AGBL1: variants seen among roughly 807,000 people sequenced by gnomAD.
AGBL1 encodes the protein cytosolic carboxypeptidase 4.
Under a neutral mutation model 118.9 loss-of-function variants are expected in AGBL1, and 130 were observed. The ratio of observed to expected loss-of-function variants is 1.09; its 90% CI spans 0.95 to 1.26. The LOEUF is 1.26. Ranked by LOEUF, AGBL1 falls within the 50% of genes most tolerant of loss-of-function variation. The pLI is 0.00. For synonymous variants in AGBL1, 555 were observed against 478.9 expected, an observed-to-expected ratio of 1.16 and a Z score of -2.08; for missense variants, 1,584 against 1,298.1, an observed-to-expected ratio of 1.22 and a Z score of -3.38.
At chr15:86,113,009 A>G (rs1023641894) in intron 1 of AGBL1, among the ~76,000 whole-genome samples, 2 of 152,152 alleles carry the variant, frequency 1.3e-5, no homozygotes, top group Admixed American at 6.5e-5. Flanking sequence ...TCACTCTTCA[A>G]AAACATGCCT....
At chr15:86,145,344 A>G (rs1320750572) in intron 3 of AGBL1, among the ~76,000 whole-genome samples, 1 of 152,158 alleles carries the variant, frequency 6.6e-6, no homozygotes, top group Non-Finnish European at 1.5e-5. Flanking sequence ...TTTCTCTTTC[A>G]CCAAGGAAAA....
At chr15:86,894,584 G>A (rs1157789107) in intron 22 of AGBL1, among the ~76,000 whole-genome samples, 1 of 152,100 alleles carries the variant, frequency 6.6e-6, no homozygotes, top group East Asian at 1.9e-4. Context: ...ATGAGAATGG[G>A]GAATTATCTG....
At chr15:86,466,404 C>G (rs937495608) in intron 18 of AGBL1, among the ~76,000 whole-genome samples, 2 of 152,200 alleles carry the variant, frequency 1.3e-5, no homozygotes, top group African/African-American at 4.8e-5. Context: ...AACCTTTTAT[C>G]AAGGTTCTTA....
chr15:86,154,309 A>G, intron 3 of AGBL1, 121 bp from the exon 4 acceptor site: 2 of 1,167,092 alleles, frequency 1.7e-6, no homozygotes, highest in Non-Finnish European at 2.4e-6. Flanking sequence ...CTAGGTCTGA[A>G]AAATGTCTTT....
At chr15:86,589,150 A>G (rs1228507730) in intron 21 of AGBL1, among the ~76,000 whole-genome samples, 1 of 152,162 alleles carries the variant, frequency 6.6e-6, no homozygotes, top group Non-Finnish European at 1.5e-5. Context: ...TGAAGTACTC[A>G]TTACTTAGTG....
In AGBL1 at chr15:86,264,583, A is replaced by C. The variant is rs2079043353; in HGVS notation, c.1412A>C (p.Asp471Ala). The stretch of plus-strand genomic sequence containing the variant: ...CCGAAAGCAGATGCCTGGGACGTAG[A>C]TGCAATTTTCTGCCCAAGGATGAGT... ...ASPKADAWDV[D>A]AIFCPRMSAS... The change falls in exon 11 of 23, where the codon GAT becomes GCT. Residue 471 changes from aspartate to alanine, a missense_variant. Transcript: ENST00000614907. 1.9e-6 allele frequency: 3 copies of C among 1,613,938 alleles called. No individual in the cohort carries two copies. The East Asian group carries it at 6.7e-5, about 36-fold the overall frequency.
chr15:86,999,025 G>T (rs2081407422), intron 24 of AGBL1, among the ~76,000 whole-genome samples: 1 of 150,710 alleles, frequency 6.6e-6, no homozygotes, highest in South Asian at 2.1e-4. Flanking sequence ...CCCATAGCAG[G>T]CCCTGGTGTG....
chr15:86,975,110 A>T (rs186542789), intron 23 of AGBL1, among the ~76,000 whole-genome samples: 6,081 of 152,002 alleles, frequency 0.04, 151 homozygotes, highest in Middle Eastern at 0.068. Flanking sequence ...AGAGGAGCAA[A>T]GAGATAAAAT....
rs1384408362 is a variant in AGBL1 at position 86,911,883 on chromosome 15, A to T, written c.*4589A>T. ...TATATATCTCTTTTATACTATGCTT[A>T]TTTTTAACTTGATAAATATGTCTTT... On this transcript the variant is annotated 3_prime_UTR_variant, in exon 23 of 23. Transcript: ENST00000614907. 1 of 152,068 alleles carries T rather than the reference A, an allele frequency of 6.6e-6. No individual in the cohort carries two copies. Among genetic ancestry groups the T allele is most frequent in the Non-Finnish European group, 1.5e-5 (1 of 68,012 alleles). 9.4% of individuals were successfully genotyped at this position (152,068 alleles called of 1,614,324 possible).
chr15:86,753,414 T>TTC (rs1555446763), intron 22 of AGBL1, among the ~76,000 whole-genome samples: 1 of 135,722 alleles, frequency 7.4e-6, no homozygotes, highest in Non-Finnish European at 1.6e-5. Context: ...TTTTTTTTTT[T>TTC]TGAGACAGAG....
intron 21 of AGBL1, among the ~76,000 whole-genome samples, chr15:86,633,797 A>G (rs139076932): frequency 0.054 from 2,376 of 43,944 alleles, 42 homozygotes; most frequent in East Asian, 0.37. Flanking sequence ...TATATATATA[A>G]TGTATATATA....
chr15:86,796,830 A>T (rs894270383), intron 22 of AGBL1, among the ~76,000 whole-genome samples: 2 of 152,194 alleles, frequency 1.3e-5, no homozygotes, highest in African/African-American at 4.8e-5. Flanking sequence ...CTTTATATGA[A>T]AATGTTTTCA....
Position 86,298,048 on chromosome 15 carries a change from A to G in AGBL1, c.2374+2640A>G, listed in dbSNP as rs537556470. 2.2e-3 allele frequency among the ~76,000 whole-genome samples: 336 copies of G among 151,640 alleles called. 1 individual carries two copies. The highest frequency in any genetic ancestry group is 3.1e-3 in the Non-Finnish European group (213 of 67,912). On this transcript the variant is annotated intron_variant, in intron 17 of 22. Transcript: ENST00000614907. ...AATTTTATTTTCCTTTCCTAACCCAATGGAAGCATTTTCATGGTGAATGCT... is the reference window on the plus strand; with the variant it reads ...AATTTTATTTTCCTTTCCTAACCCAGTGGAAGCATTTTCATGGTGAATGCT...
chr15:86,290,706 A>ATTT (rs2079531134), intron 16 of AGBL1, among the ~76,000 whole-genome samples: 1 of 151,370 alleles, frequency 6.6e-6, no homozygotes, highest in Non-Finnish European at 1.5e-5. Flanking sequence ...TATTATTATT[A>ATTT]TACTTTAAGT....
chr15:86,548,667 A>ATG (rs2083621447), intron 20 of AGBL1, among the ~76,000 whole-genome samples: 2 of 57,992 alleles, frequency 3.4e-5, no homozygotes, highest in South Asian at 5.5e-4. Flanking sequence ...ATGCACGCAC[A>ATG]CACACACACA....
At chr15:86,720,149 A>C (rs1029042046) in intron 22 of AGBL1, among the ~76,000 whole-genome samples, 2 of 152,232 alleles carry the variant, frequency 1.3e-5, no homozygotes, top group Admixed American at 1.3e-4. Context: ...CCCCATACTT[A>C]CATGGGCAAT....
intron 22 of AGBL1, among the ~76,000 whole-genome samples, chr15:86,793,928 A>G (rs2078534302): frequency 6.6e-6 from 1 of 152,234 alleles, no homozygotes; most frequent in African/African-American, 2.4e-5. Context: ...TAAGATGACC[A>G]TAATAAAAAA....
intron 22 of AGBL1, among the ~76,000 whole-genome samples, chr15:86,869,246 T>C (rs2079684217): frequency 6.6e-6 from 1 of 152,088 alleles, no homozygotes. Flanking sequence ...GAGACACAAG[T>C]ATGCAAAAGC....
chr15:86,852,813 A>G (rs2079425780), intron 22 of AGBL1, among the ~76,000 whole-genome samples: 1 of 152,174 alleles, frequency 6.6e-6, no homozygotes, highest in African/African-American at 2.4e-5. Context: ...CATCTTGCCT[A>G]TTGCAAAGGT....
Sources: gnomAD v4.1 joint callset for allele counts (sites outside exome capture counted in the v4.1 genomes callset) on GRCh38, gnomAD v4.1.1 for gene constraint, MANE v1.5 for transcripts, NCBI Gene and HGNC (gene_info 2026-07-23, HGNC 2026-07-21) for gene names.